Variants in ANKRD44 observed in about 807,000 individuals in gnomAD.
The protein encoded by ANKRD44 is ankyrin repeat domain 44, also known as serine/threonine-protein phosphatase 6 regulatory ankyrin repeat subunit B.
A neutral mutation model predicts 116.0 loss-of-function variants in ANKRD44; 35 were observed. The observed-to-expected ratio is 0.30, with a 90% CI of 0.23 to 0.40. ANKRD44 has a LOEUF of 0.40. Among genes scored for constraint, ANKRD44 ranks in the 10% least tolerant of loss-of-function variants. The pLI is 1.00. For synonymous variants in ANKRD44, 435 were observed against 461.8 expected (o/e 0.94, Z 0.74); for missense variants, 1,014 against 1,242.6 (o/e 0.82, Z 2.77).
chr2:196,990,183 T>C lies in ANKRD44; in HGVS notation c.2924-534A>G, dbSNP rs539936469. 18 of 986,132 alleles carry C rather than the reference T, an allele frequency of 1.8e-5. No individual in the cohort carries two copies. In the East Asian group the frequency reaches 1.7e-3, roughly 93 times the overall value. The allele number at this position is 986,132 out of a possible 1,614,324, so 61.1% of individuals were successfully genotyped here. ...TCTAAAAAGATTATTACAGGCATTATTTCTGAAGATGGACACCTTTACCTT... is the reference window on the plus strand; with the variant it reads ...TCTAAAAAGATTATTACAGGCATTACTTCTGAAGATGGACACCTTTACCTT... On this transcript the variant is annotated intron_variant, in intron 27 of 27. Coordinates refer to ENST00000282272, the MANE Select transcript of ANKRD44 (RefSeq NM_001195144.2).
At chr2:197,223,357 T>G (rs1203316477) in intron 1 of ANKRD44, among the ~76,000 whole-genome samples, 1 of 152,170 alleles carries the variant, frequency 6.6e-6, no homozygotes. Context: ...CCATAAATAA[T>G]GTAGTTTTTT....
At chr2:197,152,709 T>C (rs1403448361) in intron 2 of ANKRD44, among the ~76,000 whole-genome samples, 2 of 152,178 alleles carry the variant, frequency 1.3e-5, no homozygotes, top group Non-Finnish European at 2.9e-5. Flanking sequence ...AAAAATACTG[T>C]GTAGACAGGC....
chr2:197,005,631 T>G, intron 21 of ANKRD44, 63 bp downstream of exon 21: 5 of 1,484,858 alleles, frequency 3.4e-6, no homozygotes, highest in Non-Finnish European at 3.7e-6. Flanking sequence ...TCACCTCCAC[T>G]GAGCTCACAG....
intron 4 of ANKRD44, among the ~76,000 whole-genome samples, chr2:197,128,763 A>G (rs1361421345): frequency 6.6e-6 from 1 of 152,112 alleles, no homozygotes; most frequent in Non-Finnish European, 1.5e-5. Context: ...CAGTTTTTAT[A>G]GTTTTGAGTT....
At chr2:197,100,922 A>G (rs1273730280) in intron 9 of ANKRD44, among the ~76,000 whole-genome samples, 1 of 151,808 alleles carries the variant, frequency 6.6e-6, no homozygotes, top group Non-Finnish European at 1.5e-5. Flanking sequence ...CAATTGGTCT[A>G]TTCATTCATT....
intron 10 of ANKRD44, among the ~76,000 whole-genome samples, chr2:197,093,695 T>G (rs938986065): frequency 3.3e-5 from 5 of 152,194 alleles, no homozygotes; most frequent in Non-Finnish European, 7.3e-5. Flanking sequence ...TCAGGAATGA[T>G]TTATGTATTT....
At chr2:197,284,840 T>G (rs565388855) in intron 1 of ANKRD44, among the ~76,000 whole-genome samples, 1 of 150,780 alleles carries the variant, frequency 6.6e-6, no homozygotes, top group African/African-American at 2.4e-5. Flanking sequence ...GGGCCGAGAT[T>G]ACACCACTGT....
chr2:197,186,606 A>ATTTTTTT (rs2080669547), intron 2 of ANKRD44, among the ~76,000 whole-genome samples: 2 of 81,452 alleles, frequency 2.5e-5, no homozygotes, highest in African/African-American at 4.7e-5. Flanking sequence ...TGCCCGGCTA[A>ATTTTTTT]TTTTTCTTTT....
chr2:197,117,931 G>A, intron 8 of ANKRD44, among the ~76,000 whole-genome samples: 1 of 152,036 alleles, frequency 6.6e-6, no homozygotes, highest in Non-Finnish European at 1.5e-5. Context: ...AACATGCTCT[G>A]CCAGGTGCAG....
intron 4 of ANKRD44, among the ~76,000 whole-genome samples, chr2:197,133,085 C>T (rs1171333357): frequency 6.6e-6 from 1 of 152,180 alleles, no homozygotes; most frequent in Admixed American, 6.5e-5. Context: ...TGTTGGGCAC[C>T]AGGTAGTGTT....
chr2:196,981,916 T>G (rs2075803443), downstream of ANKRD44, among the ~76,000 whole-genome samples: 1 of 151,614 alleles, frequency 6.6e-6, no homozygotes, highest in Non-Finnish European at 1.5e-5. Flanking sequence ...CTATGACCCT[T>G]TATTTCCCAG....
intron 1 of ANKRD44, among the ~76,000 whole-genome samples, chr2:197,206,644 G>C (rs1327026805): frequency 2.0e-5 from 3 of 152,210 alleles, no homozygotes. Flanking sequence ...GAACCTGGGA[G>C]GCAGAGATTG....
rs2076973695 is a variant in ANKRD44, at chr2:197,044,852, T to C, written c.1651-19585A>G. 2.0e-5 allele frequency among the ~76,000 whole-genome samples: 3 copies of C among 152,068 alleles called. No individual in the cohort carries two copies. In the South Asian group the frequency reaches 6.2e-4, roughly 31 times the overall value. On this transcript the variant is annotated intron_variant, in intron 16 of 27. Coordinates refer to ENST00000282272, the MANE Select transcript of ANKRD44 (RefSeq NM_001195144.2). ...CCATAAAAGAGCTATAAAAAGGAAG[T>C]TTTATGCCTAAGCAAAAAAAAAAAT...
intron 9 of ANKRD44, among the ~76,000 whole-genome samples, chr2:197,102,050 C>CA (rs145787766): frequency 2.2e-4 from 32 of 144,178 alleles, no homozygotes; most frequent in Non-Finnish European, 3.0e-4. Context: ...TTTCGCTTTG[C>CA]AAAAAAAAAC....
At chr2:197,285,299 C>T (rs1173942620) in intron 1 of ANKRD44, among the ~76,000 whole-genome samples, 1 of 152,112 alleles carries the variant, frequency 6.6e-6, no homozygotes, top group Non-Finnish European at 1.5e-5. Context: ...GAGTTAGTCA[C>T]TGGAACATGT....
In ANKRD44 at chr2:197,203,760, G is replaced by A. The variant is rs57810859; in HGVS notation, c.28-16654C>T. On this transcript the variant is annotated intron_variant, in intron 1 of 27. Coordinates refer to ENST00000282272, the MANE Select transcript of ANKRD44 (RefSeq NM_001195144.2). The surrounding 1 kb of genome is among the most constrained non-coding windows in gnomAD (Gnocchi z 4.1). ...TGGATAAACCAAATGTGGTACAGCC[G>A]TAGAGTAAAATATTACTCAGCCATG... is the stretch of plus-strand genomic sequence containing the variant. Among the ~76,000 whole-genome samples, 533 of 151,468 alleles carry A rather than the reference G, an allele frequency of 3.5e-3. 1 individual carries two copies. Among genetic ancestry groups the A allele is most frequent in the African/African-American group, 0.012 (483 of 40,820 alleles).
chr2:197,096,444 A>G (rs2078162704), intron 10 of ANKRD44, among the ~76,000 whole-genome samples: 1 of 152,224 alleles, frequency 6.6e-6, no homozygotes, highest in Non-Finnish European at 1.5e-5. Context: ...AAAATTAAAG[A>G]AGATAAACCA....
In ANKRD44 at chr2:197,287,696, C is replaced by T. The variant is rs189437238; in HGVS notation, c.27+22882G>A. ...ATTTTCTATTTAGGAGATCTGGGGA[C>T]TTCTTAGCTAATTCAGGAATTAGCA... On this transcript the variant is annotated intron_variant, in intron 1 of 27. Coordinates refer to ENST00000282272, the MANE Select transcript of ANKRD44 (RefSeq NM_001195144.2). Among the ~76,000 whole-genome samples the T allele has an allele frequency of 8.3e-4, 127 of 152,206 alleles. 2 individuals are homozygous for T. In the East Asian group the frequency reaches 0.019, roughly 23 times the overall value.
At chr2:197,189,760 T>C (rs2080778611) in intron 1 of ANKRD44, among the ~76,000 whole-genome samples, 2 of 152,152 alleles carry the variant, frequency 1.3e-5, no homozygotes, top group South Asian at 4.1e-4. Flanking sequence ...TCAGGAGTAG[T>C]CAATCAACAG....
Sources: allele counts gnomAD v4.1 joint callset (sites outside exome capture counted in the v4.1 genomes callset), GRCh38; gene constraint gnomAD v4.1.1; non-coding constraint Gnocchi (gnomAD v3.1); transcripts MANE v1.5; gene names NCBI Gene and HGNC (gene_info 2026-07-23, HGNC 2026-07-21).